Variants in ATP10B observed in about 807,000 individuals in gnomAD.
The protein encoded by ATP10B is phospholipid-transporting ATPase VB.
A neutral mutation model predicts 141.2 loss-of-function variants in ATP10B; 122 were observed. The ratio of observed to expected loss-of-function variants is 0.86; its 90% CI spans 0.75 to 1.00. ATP10B has a LOEUF of 1.00. Ranked by LOEUF, ATP10B falls within the 50% of genes least tolerant of loss-of-function variation. ATP10B has a pLI of 0.00. For missense variants in ATP10B, 1,876 were observed against 1,825.3 expected, an observed-to-expected ratio of 1.03 and a Z score of -0.51; for synonymous variants, 685 against 692.0, an observed-to-expected ratio of 0.99 and a Z score of 0.16.
intron 7 of ATP10B, among the ~76,000 whole-genome samples, chr5:160,657,141 T>G (rs1428475118): frequency 6.6e-6 from 1 of 152,074 alleles, no homozygotes; most frequent in African/African-American, 2.4e-5. Flanking sequence ...ACACAGGAGG[T>G]ATGTTGCAAC....
the ATP10B span, among the ~76,000 whole-genome samples, chr5:160,893,766 G>C: frequency 1.3e-5 from 2 of 152,144 alleles, no homozygotes; most frequent in African/African-American, 4.8e-5. Context: ...CTCCCAGCAG[G>C]GGTCGACAGA....
intron 2 of ATP10B, among the ~76,000 whole-genome samples, chr5:160,783,010 A>G (rs13161496): frequency 0.24 from 35,800 of 151,926 alleles, 4,548 homozygotes; most frequent in Middle Eastern, 0.31. Flanking sequence ...CCTCCAGGAG[A>G]ACTTTTTAAT....
the ATP10B span, among the ~76,000 whole-genome samples, chr5:160,926,000 T>C: frequency 2.9e-4 from 44 of 152,346 alleles, no homozygotes; most frequent in Non-Finnish European, 5.7e-4. Context: ...TATAGCCCAG[T>C]AGAAGGCATT....
intron 2 of ATP10B, among the ~76,000 whole-genome samples, chr5:160,768,040 C>T (rs1769605375): frequency 6.6e-6 from 1 of 152,108 alleles, no homozygotes; most frequent in South Asian, 2.1e-4. Context: ...TGATGCTATA[C>T]TTCCTTCACT....
At position 160,653,648 on chromosome 5, in the gene ATP10B, TATATATAC is replaced by T. The variant is rs796766455; in HGVS notation, c.676-4400_676-4393del. ...TATATATACATATATACATATATAT[TATATATAC>T]ATATATACATATATATTATATATAC... On this transcript the variant is annotated intron_variant, in intron 7 of 25. Coordinates refer to ENST00000327245, the MANE Select transcript of ATP10B (RefSeq NM_025153.3). Among the ~76,000 whole-genome samples, 119 of 79,364 alleles carry T rather than the reference TATATATAC, an allele frequency of 1.5e-3. 4 individuals are homozygous for T. The East Asian group carries it at 0.035, about 23-fold the overall frequency. 52.1% of individuals were successfully genotyped at this position (79,364 alleles called of 152,430 possible).
chr5:160,869,450 C>A, the ATP10B span, among the ~76,000 whole-genome samples: 1 of 151,980 alleles, frequency 6.6e-6, no homozygotes, highest in Non-Finnish European at 1.5e-5. Context: ...AAAAATAGTC[C>A]TATAACTGCC....
At chr5:160,825,618 C>T (rs1423145163) in intron 1 of ATP10B, among the ~76,000 whole-genome samples, 1 of 152,152 alleles carries the variant, frequency 6.6e-6, no homozygotes, top group Non-Finnish European at 1.5e-5. Flanking sequence ...TTTATTTCAC[C>T]AATGCCATTT....
intron 2 of ATP10B, among the ~76,000 whole-genome samples, chr5:160,784,641 C>T (rs906047188): frequency 2.6e-5 from 4 of 151,996 alleles, no homozygotes; most frequent in Non-Finnish European, 5.9e-5. Context: ...AATGATAATG[C>T]CTTGGGTTTT....
chr5:160,847,730 T>C (rs1170015351), intron 1 of ATP10B, among the ~76,000 whole-genome samples: 2 of 152,206 alleles, frequency 1.3e-5, no homozygotes, highest in Non-Finnish European at 2.9e-5. Flanking sequence ...TTTCAAATGC[T>C]ATAAATGAAT....
At chr5:160,876,112 CA>C in the ATP10B span, among the ~76,000 whole-genome samples, 41 of 61,956 alleles carry the variant, frequency 6.6e-4, 2 homozygotes, top group African/African-American at 1.5e-3. Flanking sequence ...ACACCTATTC[CA>C]AAATTGACCA....
chr5:160,733,336 AAT>A lies in ATP10B; in HGVS notation c.-330-16304_-330-16303del, dbSNP rs201017986. ...CCTGTTAGATAATATAAAATAGTCT[AAT>A]ATATGTTATTGAAGTTTCAGAATGA... is the stretch of plus-strand genomic sequence containing the variant. On this transcript the variant is annotated intron_variant, in intron 2 of 25. Coordinates refer to ENST00000327245, the MANE Select transcript of ATP10B (RefSeq NM_025153.3). Among the ~76,000 whole-genome samples the A allele has an allele frequency of 1.3e-3, 195 of 152,294 alleles. 1 individual carries two copies. The East Asian group carries it at 0.033, about 26-fold the overall frequency.
chr5:160,671,096 C>T (rs532474984), intron 6 of ATP10B, among the ~76,000 whole-genome samples: 2 of 128,028 alleles, frequency 1.6e-5, no homozygotes, highest in Non-Finnish European at 3.1e-5. Context: ...ACCTGGGAGG[C>T]GGAGGTTGCA....
rs115336769 is a variant in ATP10B at position 160,832,969 on chromosome 5, T to C, written c.-576+18972A>G. ...GTCACTCGTCACTCTCCAACCCTTT[T>C]CATGGCATGTGTGCCAAGTGCGTAG... On this transcript the variant is annotated intron_variant, in intron 1 of 25. Coordinates refer to ENST00000327245, the MANE Select transcript of ATP10B (RefSeq NM_025153.3). Among the ~76,000 whole-genome samples, 920 of 152,252 alleles carry C rather than the reference T, an allele frequency of 6.0e-3. 13 individuals are homozygous for C. Among genetic ancestry groups the C allele is most frequent in the African/African-American group, 0.021 (872 of 41,558 alleles).
chr5:160,585,848 G>T (rs1183684977), intron 24 of ATP10B, among the ~76,000 whole-genome samples: 1 of 152,080 alleles, frequency 6.6e-6, no homozygotes, highest in African/African-American at 2.4e-5. Flanking sequence ...TTGTATTGCA[G>T]CCTCTTCTGG....
intron 2 of ATP10B, among the ~76,000 whole-genome samples, chr5:160,739,119 A>G (rs532792155): frequency 6.6e-6 from 1 of 152,348 alleles, no homozygotes; most frequent in South Asian, 2.1e-4. Flanking sequence ...CGCAGAAAAA[A>G]TATTCTATGA....
chr5:160,755,144 T>TA (rs775012406), intron 2 of ATP10B, among the ~76,000 whole-genome samples: 62 of 152,144 alleles, frequency 4.1e-4, no homozygotes, highest in Non-Finnish European at 7.2e-4. Context: ...TCAAGAAACT[T>TA]ACAATCATGG....
chr5:160,800,963 T>C (rs4244412), intron 1 of ATP10B, among the ~76,000 whole-genome samples: 74,175 of 152,024 alleles, frequency 0.49, 18,218 homozygotes, highest in East Asian at 0.61. Flanking sequence ...GTTTGTAATG[T>C]ACTGTTTGCT....
chr5:160,891,192 C>T, the ATP10B span, among the ~76,000 whole-genome samples: 1 of 152,138 alleles, frequency 6.6e-6, no homozygotes, highest in African/African-American at 2.4e-5. Context: ...CTGAGGTTTG[C>T]TTCTTTGCCA....
chr5:160,778,854 G>T lies in ATP10B; in HGVS notation c.-331+6705C>A, dbSNP rs182925580. Among the ~76,000 whole-genome samples the T allele has an allele frequency of 7.7e-4, 118 of 152,306 alleles. 1 individual carries two copies. Among genetic ancestry groups the T allele is most frequent in the African/African-American group, 2.7e-3 (114 of 41,564 alleles). On this transcript the variant is annotated intron_variant, in intron 2 of 25. Transcript: ENST00000327245. ...ACCAGTGTTAAAGTCAGGTGGATTT[G>T]TGTCTAAATCCAAGCTCTGTTCCTT...
Sources: allele counts gnomAD v4.1 joint callset (sites outside exome capture counted in the v4.1 genomes callset), GRCh38; gene constraint gnomAD v4.1.1; transcripts MANE v1.5; gene names NCBI Gene and HGNC (gene_info 2026-07-23, HGNC 2026-07-21).